The following CDYL variants were observed in gnomAD, a reference collection of about 807,000 sequenced individuals.
CDYL encodes chromodomain Y-like protein.
In CDYL, 8 loss-of-function variants were observed where a neutral mutation model predicts 47.3. That is an observed-to-expected ratio of 0.17 (90% confidence interval 0.10 to 0.31). The LOEUF is 0.31. CDYL is among the 10% of genes least tolerant of loss of function. The pLI is 1.00. For synonymous variants in CDYL, 266 were observed against 265.0 expected (o/e 1.00, Z -0.04); for missense variants, 471 against 701.4 (o/e 0.67, Z 3.71).
chr6:4,880,433 C>G (rs1761734023), intron 1 of CDYL, among the ~76,000 whole-genome samples: 1 of 152,092 alleles, frequency 6.6e-6, no homozygotes, highest in Admixed American at 6.5e-5. Flanking sequence ...ATCCATTTAC[C>G]TACTGAACGA....
intron 5 of CDYL, among the ~76,000 whole-genome samples, chr6:4,945,160 G>A (rs1244002115): frequency 6.6e-6 from 1 of 152,094 alleles, no homozygotes; most frequent in Admixed American, 6.5e-5. Context: ...TGGGAAGGCT[G>A]GTGAAATTCA....
intron 3 of CDYL, among the ~76,000 whole-genome samples, chr6:4,766,508 G>A (rs1026749109): frequency 6.6e-6 from 1 of 152,038 alleles, no homozygotes; most frequent in Non-Finnish European, 1.5e-5. Flanking sequence ...ATGGCGCCCG[G>A]CCCTGAATAT....
chr6:4,909,137 G>A lies in CDYL; in HGVS notation c.691+16758G>A, dbSNP rs188931676. Among the ~76,000 whole-genome samples, 149 of 152,310 alleles carry A rather than the reference G, an allele frequency of 9.8e-4. 1 individual carries two copies. Among genetic ancestry groups the A allele is most frequent in the African/African-American group, 3.5e-3 (144 of 41,546 alleles). On this transcript the variant is annotated intron_variant, in intron 2 of 6. Transcript: ENST00000397588. ...GTTTTGTTGCTCTGTGAGAATGAGG[G>A]CAGTCTTTTAAAGGAACTCATCCAG...
In CDYL at chr6:4,892,261, G is replaced by A. The variant is rs368952706; in HGVS notation, c.573G>A (p.Leu191=). 13 of 1,614,074 alleles carry A rather than the reference G, an allele frequency of 8.1e-6. No individual in the cohort carries two copies. The African/African-American group carries it at 1.7e-4, about 22-fold the overall frequency. Reference sequence around the variant, plus strand: ...CGGAAAAGCCGGTCGGAGCTTTATTGGGCCCCGGTGCCGAGAGGGCCAGGA... The same window carrying A: ...CGGAAAAGCCGGTCGGAGCTTTATTAGGCCCCGGTGCCGAGAGGGCCAGGA... ...VAAEKPVGAL[L]GPGAERARMG... The change falls in exon 2 of 7, where the codon TTG becomes TTA. Residue 191 remains leucine (L), a synonymous_variant. Coordinates refer to ENST00000397588, the MANE Select transcript of CDYL (RefSeq NM_004824.4).
intron 2 of CDYL, among the ~76,000 whole-genome samples, chr6:4,918,376 C>G (rs12197449): frequency 6.7e-6 from 1 of 150,214 alleles, no homozygotes; most frequent in South Asian, 2.1e-4. Context: ...TCTGCCCCCC[C>G]CCCTTTTTTT....
chr6:4,932,255 A>C (rs1758053303), intron 2 of CDYL, among the ~76,000 whole-genome samples: 1 of 152,202 alleles, frequency 6.6e-6, no homozygotes, highest in African/African-American at 2.4e-5. Context: ...TCTGGAGAGA[A>C]CCCTAAGATC....
At chr6:4,875,698 T>C (rs942464286) in intron 1 of CDYL, among the ~76,000 whole-genome samples, 2 of 152,212 alleles carry the variant, frequency 1.3e-5, no homozygotes, top group Non-Finnish European at 2.9e-5. Flanking sequence ...AATTTTTAAA[T>C]TGAGAATGAA....
At chr6:4,759,819 C>T (rs1343219623) in intron 3 of CDYL, among the ~76,000 whole-genome samples, 1 of 129,678 alleles carries the variant, frequency 7.7e-6, no homozygotes, top group Admixed American at 9.0e-5. Context: ...GTGGAGGTTG[C>T]AGTGAGCCGA....
intron 5 of CDYL, among the ~76,000 whole-genome samples, chr6:4,944,678 A>G (rs1165659187): frequency 1.3e-5 from 2 of 152,218 alleles, no homozygotes; most frequent in Non-Finnish European, 2.9e-5. Flanking sequence ...ACTTAGAGGA[A>G]GAAGATTAGG....
chr6:4,872,395 T>G (rs1052769204), intron 1 of CDYL, among the ~76,000 whole-genome samples: 9 of 151,922 alleles, frequency 5.9e-5, no homozygotes, highest in African/African-American at 1.7e-4. Flanking sequence ...TTTGGTTTTG[T>G]TTTTGAGACG....
chr6:4,738,950 T>G (rs940414521), intron 3 of CDYL, among the ~76,000 whole-genome samples: 1 of 151,820 alleles, frequency 6.6e-6, no homozygotes, highest in South Asian at 2.1e-4. Flanking sequence ...TCACCTGAGG[T>G]TGGGAGTTCA....
chr6:4,725,383 G>A (rs1277114890), intron 2 of CDYL, among the ~76,000 whole-genome samples: 1 of 152,346 alleles, frequency 6.6e-6, no homozygotes, highest in Non-Finnish European at 1.5e-5. Context: ...AGCAGGGGGC[G>A]GCGCTCGTGG....
chr6:4,873,962 A>G (rs1042630414), intron 1 of CDYL, among the ~76,000 whole-genome samples: 2 of 152,086 alleles, frequency 1.3e-5, no homozygotes, highest in Admixed American at 1.3e-4. Context: ...TTGAGCCCCC[A>G]TTCAGTTATT....
chr6:4,777,843 G>C (rs1378927944), intron 1 of CDYL, among the ~76,000 whole-genome samples: 2 of 152,302 alleles, frequency 1.3e-5, no homozygotes, highest in Non-Finnish European at 2.9e-5. Context: ...TAGTCTTCTA[G>C]CAACTTTTTT....
intron 2 of CDYL, among the ~76,000 whole-genome samples, chr6:4,727,604 C>G (rs1757538675): frequency 6.7e-6 from 1 of 150,162 alleles, no homozygotes; most frequent in African/African-American, 2.5e-5. Flanking sequence ...CCCCCTCCCT[C>G]CACCAAATGA....
intron 1 of CDYL, among the ~76,000 whole-genome samples, chr6:4,795,706 C>CT (rs1268515216): frequency 2.8e-4 from 42 of 149,320 alleles, no homozygotes; most frequent in African/African-American, 9.5e-4. Flanking sequence ...TATTTCTTTT[C>CT]TCTTTTTTTT....
intron 2 of CDYL, among the ~76,000 whole-genome samples, chr6:4,723,296 G>GCAT: frequency 6.6e-6 from 1 of 152,228 alleles, no homozygotes; most frequent in South Asian, 2.1e-4. Flanking sequence ...AGGGACTTGA[G>GCAT]CATCTGTGGA....
intron 1 of CDYL, among the ~76,000 whole-genome samples, chr6:4,844,376 T>C (rs1760592771): frequency 6.6e-6 from 1 of 152,126 alleles, no homozygotes; most frequent in South Asian, 2.1e-4. Flanking sequence ...TTATGTCCTT[T>C]GTCTTTGGAG....
intron 1 of CDYL, among the ~76,000 whole-genome samples, chr6:4,850,691 T>C (rs754433910): frequency 3.9e-5 from 6 of 152,226 alleles, no homozygotes; most frequent in Non-Finnish European, 8.8e-5. Context: ...ATTGAAAGCA[T>C]ATAGTTAGAT....
Sources: gnomAD v4.1 joint callset for allele counts (sites outside exome capture counted in the v4.1 genomes callset) on GRCh38, gnomAD v4.1.1 for gene constraint, MANE v1.5 for transcripts, NCBI Gene and HGNC (gene_info 2026-07-23, HGNC 2026-07-21) for gene names.